The following EPHA5 variants were observed in gnomAD, a reference collection of about 807,000 sequenced individuals.
The protein encoded by EPHA5 is ephrin type-A receptor 5.
Under a neutral mutation model 105.0 loss-of-function variants are expected in EPHA5, and 60 were observed. That is an observed-to-expected ratio of 0.57 (90% CI 0.46 to 0.71). EPHA5 has a LOEUF of 0.71. Among genes scored for constraint, EPHA5 ranks in the 30% least tolerant of loss-of-function variants. The pLI, the probability that EPHA5 is intolerant of heterozygous loss-of-function variation, is 0.00. For synonymous variants in EPHA5, 513 were observed against 449.1 expected, an observed-to-expected ratio of 1.14 and a Z score of -1.80; for missense variants, 1,218 against 1,274.7, an observed-to-expected ratio of 0.96 and a Z score of 0.68.
At chr4:65,536,432 T>C (rs1190889768) in intron 3 of EPHA5, among the ~76,000 whole-genome samples, 1 of 151,922 alleles carries the variant, frequency 6.6e-6, no homozygotes, top group African/African-American at 2.4e-5. Context: ...GTTTCTGGTC[T>C]AGGGTATAAG....
intron 3 of EPHA5, among the ~76,000 whole-genome samples, chr4:65,568,246 G>T (rs1333383513): frequency 6.6e-6 from 1 of 151,360 alleles, no homozygotes; most frequent in African/African-American, 2.4e-5. Context: ...TTAAAGTGTG[G>T]TTCCAATAAT....
chr4:65,569,913 A>C (rs1739945961), intron 3 of EPHA5, among the ~76,000 whole-genome samples: 1 of 151,750 alleles, frequency 6.6e-6, no homozygotes, highest in Admixed American at 6.6e-5. Flanking sequence ...AAAAGTTTGA[A>C]ATCTCCCTGC....
intron 3 of EPHA5, among the ~76,000 whole-genome samples, chr4:65,584,122 C>T (rs999182986): frequency 2.0e-5 from 3 of 151,508 alleles, no homozygotes; most frequent in Non-Finnish European, 1.5e-5. Context: ...CATTCATATA[C>T]CTGAGTTATT....
Position 65,322,971 on chromosome 4 carries a change from T to A in EPHA5, c.*1143A>T, listed in dbSNP as rs1719757360. On this transcript the variant is annotated 3_prime_UTR_variant, in exon 17 of 17. Transcript: ENST00000613740. ...GATGCTTCGTGCTATGTGCCTGGATTTAACAACATTAACAGAAGCCTGCAC... is the reference window on the plus strand; with the variant it reads ...GATGCTTCGTGCTATGTGCCTGGATATAACAACATTAACAGAAGCCTGCAC... 2 of 229,018 alleles carry A rather than the reference T, an allele frequency of 8.7e-6. No homozygotes were observed. Among genetic ancestry groups the A allele is most frequent in the African/African-American group, 4.4e-5 (2 of 45,052 alleles). 14.2% of individuals were successfully genotyped at this position (229,018 alleles called of 1,614,324 possible).
chr4:65,482,330 T>C (rs751568344), intron 5 of EPHA5, among the ~76,000 whole-genome samples: 6 of 150,524 alleles, frequency 4.0e-5, no homozygotes, highest in Non-Finnish European at 8.9e-5. Flanking sequence ...AACCCACTGA[T>C]TAAATTTTCA....
At chr4:65,480,488 G>A (rs1213441517) in intron 5 of EPHA5, among the ~76,000 whole-genome samples, 1 of 152,074 alleles carries the variant, frequency 6.6e-6, no homozygotes, top group African/African-American at 2.4e-5. Flanking sequence ...AAGAAACCAC[G>A]TTCTTCACGA....
chr4:65,394,539 A>C (rs10033393), intron 8 of EPHA5, among the ~76,000 whole-genome samples: 37,768 of 152,072 alleles, frequency 0.25, 6,265 homozygotes, highest in African/African-American at 0.47. Context: ...GTGTAGAGGA[A>C]ACAATCAGGT....
intron 13 of EPHA5, among the ~76,000 whole-genome samples, chr4:65,348,464 G>A (rs1406054138): frequency 6.6e-6 from 1 of 151,372 alleles, no homozygotes; most frequent in Non-Finnish European, 1.5e-5. Context: ...CCTCAGTATA[G>A]CAGCTCTAAG....
At chr4:65,480,610 C>T (rs1258578086) in intron 5 of EPHA5, among the ~76,000 whole-genome samples, 2 of 152,138 alleles carry the variant, frequency 1.3e-5, no homozygotes, top group Non-Finnish European at 2.9e-5. Flanking sequence ...GATCCAGAAA[C>T]GGCAATGCTA....
chr4:65,505,838 T>C (rs1732956392), intron 3 of EPHA5, among the ~76,000 whole-genome samples: 1 of 152,054 alleles, frequency 6.6e-6, no homozygotes, highest in Non-Finnish European at 1.5e-5. Flanking sequence ...TGTGAACTTT[T>C]CCTTTTATTT....
chr4:65,646,487 T>C (rs1407689951), intron 1 of EPHA5, among the ~76,000 whole-genome samples: 1 of 152,210 alleles, frequency 6.6e-6, no homozygotes, highest in Non-Finnish European at 1.5e-5. Context: ...GGATGAATAC[T>C]TGCTTCTGGC....
At chr4:65,396,052 C>A (rs1285783457) in intron 8 of EPHA5, among the ~76,000 whole-genome samples, 1 of 151,988 alleles carries the variant, frequency 6.6e-6, no homozygotes, top group African/African-American at 2.4e-5. Context: ...TAGATCTGGG[C>A]ATCCCTGTGC....
intron 16 of EPHA5, among the ~76,000 whole-genome samples, chr4:65,326,492 T>G (rs1720093349): frequency 6.6e-6 from 1 of 151,586 alleles, no homozygotes; most frequent in Middle Eastern, 3.4e-3. Context: ...GAGGCTATGG[T>G]CACCAAATCT....
At chr4:65,340,775 T>C (rs530687607) in intron 14 of EPHA5, among the ~76,000 whole-genome samples, 57 of 152,246 alleles carry the variant, frequency 3.7e-4, no homozygotes, top group African/African-American at 1.3e-3. Context: ...AGCATGTCAA[T>C]CATAAACATT....
intron 11 of EPHA5, among the ~76,000 whole-genome samples, chr4:65,358,182 G>T (rs1206739893): frequency 6.6e-6 from 1 of 151,454 alleles, no homozygotes; most frequent in Non-Finnish European, 1.5e-5. Context: ...CACATCACAA[G>T]AGTTGCTGCT....
At chr4:65,447,767 A>C (rs1169115325) in intron 5 of EPHA5, among the ~76,000 whole-genome samples, 1 of 150,966 alleles carries the variant, frequency 6.6e-6, no homozygotes, top group African/African-American at 2.4e-5. Context: ...TTCTGGTATT[A>C]CTTGAATAAA....
At chr4:65,462,382 G>C (rs72641061) in intron 5 of EPHA5, among the ~76,000 whole-genome samples, 1 of 152,156 alleles carries the variant, frequency 6.6e-6, no homozygotes, top group Non-Finnish European at 1.5e-5. Flanking sequence ...ACCAACTGCT[G>C]TAATGAAACT....
chr4:65,610,878 C>G (rs1179687139), intron 2 of EPHA5, among the ~76,000 whole-genome samples: 1 of 152,028 alleles, frequency 6.6e-6, no homozygotes, highest in African/African-American at 2.4e-5. Flanking sequence ...ATGGAGACAC[C>G]TTCATACTTA....
intron 5 of EPHA5, among the ~76,000 whole-genome samples, chr4:65,448,806 ACT>A (rs1185450726): frequency 6.6e-6 from 1 of 152,098 alleles, no homozygotes; most frequent in Non-Finnish European, 1.5e-5. Flanking sequence ...AAAATGATAA[ACT>A]CTTTAACAAG....
Sources: allele counts gnomAD v4.1 joint callset (sites outside exome capture counted in the v4.1 genomes callset), GRCh38; gene constraint gnomAD v4.1.1; transcripts MANE v1.5; gene names NCBI Gene and HGNC (gene_info 2026-07-23, HGNC 2026-07-21).